IYD: variants seen among roughly 807,000 people sequenced by gnomAD.
IYD encodes the protein iodotyrosine deiodinase.
IYD carries 25 observed loss-of-function variants against 28.4 expected under a neutral mutation model. The observed-to-expected ratio is 0.88, with a 90% CI of 0.64 to 1.23. IYD has a LOEUF of 1.23. IYD is among the 50% of genes most tolerant of loss of function. The probability of loss-of-function intolerance (pLI) is 0.00; values close to 1 mark genes in which losing one functional copy is unlikely to be tolerated. For missense variants in IYD, 352 were observed against 357.9 expected (o/e 0.98, Z 0.13); for synonymous variants, 140 against 130.8 (o/e 1.07, Z -0.48).
intron 1 of IYD, among the ~76,000 whole-genome samples, chr6:150,370,243 G>A (rs551134434): frequency 6.9e-6 from 1 of 144,688 alleles, no homozygotes; most frequent in Non-Finnish European, 1.5e-5. Flanking sequence ...GTGTGCATGA[G>A]AGTGGATGTG....
At position 150,402,039 on chromosome 6, in the gene IYD, C is replaced by T. The variant is rs1562327003; in HGVS notation, c.*3802C>T. 6.6e-6 allele frequency: 1 copy of T among 152,186 alleles called. No individual in the cohort carries two copies. Among genetic ancestry groups the T allele is most frequent in the Admixed American group, 6.5e-5 (1 of 15,286 alleles). 9.4% of individuals were successfully genotyped at this position (152,186 alleles called of 1,614,324 possible). A position where few individuals can be genotyped will look rare whatever the true frequency, so the allele number is the denominator to read the frequency against. On this transcript the variant is annotated 3_prime_UTR_variant, in exon 5 of 5. Coordinates refer to ENST00000344419, the MANE Select transcript of IYD (RefSeq NM_203395.3). ...CCAAATGCTCCAGTTCTAATGTATT[C>T]CCAGGTGTTGCTGATGCTGGTGATT...
At chr6:150,395,941 AC>A in intron 4 of IYD, 3 of 465,660 alleles carry the variant, frequency 6.4e-6, no homozygotes, top group Non-Finnish European at 1.2e-5. Flanking sequence ...TCAGCATCTC[AC>A]TGGGTGGGGA....
chr6:150,387,378 TA>T (rs1490687482), intron 1 of IYD, among the ~76,000 whole-genome samples: 1 of 138,204 alleles, frequency 7.2e-6, no homozygotes, highest in African/African-American at 2.7e-5. Context: ...CTGGGCAACA[TA>T]GCAAGACCCC....
chr6:150,394,049 G>A, intron 3 of IYD, 50 bp from the exon 4 acceptor site: 1 of 1,582,140 alleles, frequency 6.3e-7, no homozygotes, highest in Non-Finnish European at 8.7e-7. Context: ...TAGTAAAAGA[G>A]AACAAAAAAT....
intron 1 of IYD, among the ~76,000 whole-genome samples, chr6:150,373,360 A>C (rs188241049): frequency 6.6e-6 from 1 of 152,338 alleles, no homozygotes; most frequent in Non-Finnish European, 1.5e-5. Context: ...TGGCAAGCTA[A>C]CCAATCAGTG....
chr6:150,370,946 C>G (rs1302576664), intron 1 of IYD, among the ~76,000 whole-genome samples: 2 of 152,250 alleles, frequency 1.3e-5, no homozygotes, highest in Non-Finnish European at 2.9e-5. Flanking sequence ...AGACAGCAGT[C>G]TATGTTAGGG....
Position 150,394,086 on chromosome 6 carries a change from TTTCTC to T in IYD, c.531-9_531-5del. ...TGGGCAAATATTATCCTGAATCTCT[TTTCTC>T]TTCACAGAACCAACTGGATTAAAGA... On this transcript the variant is annotated splice_region_variant and splice_polypyrimidine_tract_variant and intron_variant, in intron 3 of 4. Transcript: ENST00000344419. The T allele has an allele frequency of 6.2e-7, 1 of 1,613,712 alleles. No homozygotes were observed. Among genetic ancestry groups the T allele is most frequent in the Non-Finnish European group, 8.5e-7 (1 of 1,179,700 alleles).
At chr6:150,373,159 C>T (rs1777331566) in intron 1 of IYD, among the ~76,000 whole-genome samples, 1 of 152,112 alleles carries the variant, frequency 6.6e-6, no homozygotes, top group South Asian at 2.1e-4. Context: ...AATAAGTGAC[C>T]CAACTTGTCC....
chr6:150,370,119 A>C, intron 1 of IYD: 1 of 689,626 alleles, frequency 1.5e-6, no homozygotes, highest in African/African-American at 1.7e-5. Flanking sequence ...AGCTGGGCTA[A>C]TGATGCCCCC....
chr6:150,384,031 GAC>G (rs1777765820), intron 1 of IYD, among the ~76,000 whole-genome samples: 1 of 152,086 alleles, frequency 6.6e-6, no homozygotes, highest in Admixed American at 6.6e-5. Context: ...GTTTCCTAAA[GAC>G]ACAATTTAGG....
At position 150,398,457 on chromosome 6, in the gene IYD, A is replaced by T. The variant is rs1203727325; in HGVS notation, c.*220A>T. The T allele has an allele frequency of 1.8e-6, 1 of 565,838 alleles. No individual in the cohort carries two copies. Among genetic ancestry groups the T allele is most frequent in the African/African-American group, 1.9e-5 (1 of 53,414 alleles). The allele number at this position is 565,838 out of a possible 1,614,324, so 35.1% of individuals were successfully genotyped here. A position where few individuals can be genotyped will look rare whatever the true frequency, so the allele number is the denominator to read the frequency against. On this transcript the variant is annotated 3_prime_UTR_variant, in exon 5 of 5. Coordinates refer to ENST00000344419, the MANE Select transcript of IYD (RefSeq NM_203395.3). ...TTATCCACTTTGGAAATGCATGAACACTTTACAAAGAACATGCCCGGGTTT... is the reference window on the plus strand; with the variant it reads ...TTATCCACTTTGGAAATGCATGAACTCTTTACAAAGAACATGCCCGGGTTT...
At chr6:150,388,217 A>T (rs1777950148) in intron 1 of IYD, among the ~76,000 whole-genome samples, 1 of 152,222 alleles carries the variant, frequency 6.6e-6, no homozygotes, top group Non-Finnish European at 1.5e-5. Context: ...TAATTTACTT[A>T]TGATTGACAC....
In IYD at chr6:150,404,578, A is replaced by G. The variant is rs1778597718; in HGVS notation, c.*6341A>G. 1 of 152,258 alleles carries G rather than the reference A, an allele frequency of 6.6e-6. No individual in the cohort carries two copies. Among genetic ancestry groups the G allele is most frequent in the Non-Finnish European group, 1.5e-5 (1 of 68,048 alleles). The allele number at this position is 152,258 out of a possible 1,614,324, so 9.4% of individuals were successfully genotyped here. A position where few individuals can be genotyped will look rare whatever the true frequency, so the allele number is the denominator to read the frequency against. On this transcript the variant is annotated 3_prime_UTR_variant, in exon 5 of 5. Coordinates refer to ENST00000344419, the MANE Select transcript of IYD (RefSeq NM_203395.3). Reference sequence around the variant, plus strand: ...GAAAATTAAATATGATAAATTACACAAGAAGTTTAGAATGTTTAAAAGATT... The same window carrying G: ...GAAAATTAAATATGATAAATTACACGAGAAGTTTAGAATGTTTAAAAGATT...
chr6:150,369,553 G>T lies in IYD; in HGVS notation c.178+344G>T, dbSNP rs571598454. ...GGCAGGGACTAAGAGGCCAGGTTTT[G>T]ATCAGGAACTTTGAAATCTACCAAG... On this transcript the variant is annotated intron_variant, in intron 1 of 4. Transcript: ENST00000344419. Among the ~76,000 whole-genome samples, 3 of 152,320 alleles carry T rather than the reference G, an allele frequency of 2.0e-5. No individual in the cohort carries two copies. The East Asian group carries it at 5.8e-4, about 29-fold the overall frequency.
chr6:150,394,124 G>T lies in IYD; in HGVS notation c.556G>T (p.Asp186Tyr), dbSNP rs35430834. The change falls in exon 4 of 5, where the codon GAT becomes TAT. Residue 186 changes from aspartate to tyrosine, a missense_variant. Transcript: ENST00000344419. ...AACCAACTGGATTAAAGAGTACTTG[G>T]ATACTGCCCCTATTTTGATTCTCAT... ...LRTNWIKEYL[D>Y]TAPILILIFK... The T allele has an allele frequency of 6.2e-7, 1 of 1,614,112 alleles. No homozygotes were observed. Among genetic ancestry groups the T allele is most frequent in the South Asian group, 1.1e-5 (1 of 91,082 alleles).
rs932297269 is a variant in IYD, at chr6:150,395,674, G to T, written c.687+1419G>T. On this transcript the variant is annotated intron_variant, in intron 4 of 4. Coordinates refer to ENST00000344419, the MANE Select transcript of IYD (RefSeq NM_203395.3). ...AGGTTATGATTAGTGATGGAGGAAA[G>T]AAAAATCTCCATGAAGCCCGCATCT... 16 of 926,570 alleles carry T rather than the reference G, an allele frequency of 1.7e-5. 1 individual carries two copies. The highest frequency in any genetic ancestry group is 3.0e-4 in the Middle Eastern group (1 of 3,304). 57.4% of individuals were successfully genotyped at this position (926,570 alleles called of 1,614,324 possible). A position where few individuals can be genotyped will look rare whatever the true frequency, so the allele number is the denominator to read the frequency against.
At chr6:150,371,005 C>A (rs1777220483) in intron 1 of IYD, among the ~76,000 whole-genome samples, 1 of 152,126 alleles carries the variant, frequency 6.6e-6, no homozygotes, top group Admixed American at 6.5e-5. Flanking sequence ...GGGGAAGATA[C>A]TTGGAACCTG....
intron 1 of IYD, among the ~76,000 whole-genome samples, chr6:150,388,681 T>TTCTTTCTTTCTG (rs1777991996): frequency 1.6e-5 from 2 of 127,014 alleles, no homozygotes; most frequent in Non-Finnish European, 3.6e-5. Flanking sequence ...CTTTCTTTCT[T>TTCTTTCTTTCTG]TCTTCTTTCC....
chr6:150,375,820 T>C (rs551787622), intron 1 of IYD, among the ~76,000 whole-genome samples: 8 of 152,154 alleles, frequency 5.3e-5, no homozygotes, highest in African/African-American at 1.7e-4. Flanking sequence ...TGCATCACCC[T>C]CCTCCTTAGT....
Sources: allele counts gnomAD v4.1 joint callset (sites outside exome capture counted in the v4.1 genomes callset), GRCh38; gene constraint gnomAD v4.1.1; transcripts MANE v1.5; gene names NCBI Gene and HGNC (gene_info 2026-07-23, HGNC 2026-07-21).